The following CSMD1 variants were observed in gnomAD, a reference collection of about 807,000 sequenced individuals.
CSMD1 encodes the protein CUB and Sushi multiple domains 1.
Under a neutral mutation model 417.5 loss-of-function variants are expected in CSMD1, and 213 were observed. The ratio of observed to expected loss-of-function variants is 0.51; its 90% CI spans 0.46 to 0.57. The LOEUF (loss-of-function observed/expected upper bound fraction) is 0.57, where lower values mean the gene tolerates loss of function less well. Ranked by LOEUF, CSMD1 falls within the 20% of genes least tolerant of loss-of-function variation. CSMD1 has a pLI of 0.00. For missense variants in CSMD1, 6,923 were observed against 4,529.7 expected (o/e 1.53, Z -15.17); for synonymous variants, 2,862 against 1,736.8 (o/e 1.65, Z -16.11).
At chr8:4,585,423 G>A (rs960903488) in intron 2 of CSMD1, among the ~76,000 whole-genome samples, 1 of 152,136 alleles carries the variant, frequency 6.6e-6, no homozygotes, top group Non-Finnish European at 1.5e-5. Flanking sequence ...AAGAATGACT[G>A]TCACAAAACG....
At chr8:4,750,611 G>C (rs1253816163) in intron 1 of CSMD1, among the ~76,000 whole-genome samples, 1 of 152,058 alleles carries the variant, frequency 6.6e-6, no homozygotes, top group African/African-American at 2.4e-5. Context: ...CCAGCAATGA[G>C]ACTAAGAGAA....
chr8:3,384,759 T>TATATATTTATATAATA (rs1810879200), intron 18 of CSMD1, among the ~76,000 whole-genome samples: 3 of 119,764 alleles, frequency 2.5e-5, no homozygotes, highest in South Asian at 2.3e-4. Flanking sequence ...TTTATATAAA[T>TATATATTTATATAATA]TATATAAATA....
intron 26 of CSMD1, among the ~76,000 whole-genome samples, chr8:3,244,962 T>C (rs1190185740): frequency 6.6e-6 from 1 of 152,136 alleles, no homozygotes; most frequent in East Asian, 1.9e-4. Context: ...GAAGTTATTT[T>C]TTGGCTATTT....
intron 29 of CSMD1, 73 bp downstream of exon 29, chr8:3,219,182 A>G: frequency 1.6e-6 from 2 of 1,254,678 alleles, no homozygotes; most frequent in Middle Eastern, 2.6e-4. Context: ...GCAAGATGTT[A>G]CAAAGCAATG....
chr8:3,815,547 CT>C (rs1801322358), intron 5 of CSMD1, among the ~76,000 whole-genome samples: 1 of 151,526 alleles, frequency 6.6e-6, no homozygotes, highest in African/African-American at 2.4e-5. Context: ...AAAGAAAAAA[CT>C]GTGCTTTTGA....
At chr8:3,661,372 G>A (rs913992104) in intron 7 of CSMD1, among the ~76,000 whole-genome samples, 1 of 151,752 alleles carries the variant, frequency 6.6e-6, no homozygotes. Flanking sequence ...GCAGATTTCT[G>A]TATGTTACTT....
Position 2,954,233 on chromosome 8 carries a change from T to C in CSMD1, c.10030A>G (p.Lys3344Glu), listed in dbSNP as rs930403089. 1.3e-6 allele frequency: 2 copies of C among 1,503,274 alleles called. No individual in the cohort carries two copies. The highest frequency in any genetic ancestry group is 2.5e-5 in the South Asian group (2 of 80,362). 93.1% of individuals were successfully genotyped at this position (1,503,274 alleles called of 1,614,324 possible). The change falls in exon 65 of 70, where the codon AAA (lysine) becomes GAA (glutamate). Residue 3344 changes from lysine (K) to glutamate (E), a missense_variant. Lys to Glu is a moderately conservative substitution (Grantham distance 56, BLOSUM62 1). Coordinates refer to ENST00000635120, the MANE Select transcript of CSMD1 (RefSeq NM_033225.6). ...GVREVNETVT[K>E]TPVPSDVFFV... ...GTTCTGGTATACAAACCTGGAGTTT[T>C]AGTAACTGTTTCATTAACTTCTCTC...
chr8:4,152,378 T>A (rs2131059326), intron 3 of CSMD1, among the ~76,000 whole-genome samples: 1 of 152,286 alleles, frequency 6.6e-6, no homozygotes, highest in African/African-American at 2.4e-5. Context: ...GTACTAATGT[T>A]TTTAAAATCC....
At chr8:4,918,044 G>C (rs1316244560) in intron 1 of CSMD1, among the ~76,000 whole-genome samples, 1 of 152,134 alleles carries the variant, frequency 6.6e-6, no homozygotes, top group Non-Finnish European at 1.5e-5. Flanking sequence ...ACTAGACTTT[G>C]TGATGTTTAA....
chr8:3,516,996 G>A (rs1563113504), intron 10 of CSMD1, among the ~76,000 whole-genome samples: 2 of 152,170 alleles, frequency 1.3e-5, no homozygotes, highest in Admixed American at 1.3e-4. Context: ...CAGAAAACAG[G>A]GCACTGGTTA....
At position 4,348,956 on chromosome 8, in the gene CSMD1, C is replaced by G. The variant is rs373248194; in HGVS notation, c.415+70997G>C. Among the ~76,000 whole-genome samples, 10 of 152,138 alleles carry G rather than the reference C, an allele frequency of 6.6e-5. 1 individual carries two copies. Among genetic ancestry groups the G allele is most frequent in the African/African-American group, 7.2e-5 (3 of 41,428 alleles). The stretch of plus-strand genomic sequence containing the variant: ...TTAACCAGACAGTGCCCTCAGAATA[C>G]TCTTGAATTGCACCATATGCAAAAA... On this transcript the variant is annotated intron_variant, in intron 3 of 69. Coordinates refer to ENST00000635120, the MANE Select transcript of CSMD1 (RefSeq NM_033225.6).
At chr8:3,853,066 C>A (rs2975377) in intron 5 of CSMD1, among the ~76,000 whole-genome samples, 2,092 of 152,192 alleles carry the variant, frequency 0.014, 47 homozygotes, top group African/African-American at 0.048. Flanking sequence ...CAACCCACGT[C>A]ACTCCATCCA....
At chr8:3,006,144 C>T (rs894582061) in intron 52 of CSMD1, among the ~76,000 whole-genome samples, 1 of 150,982 alleles carries the variant, frequency 6.6e-6, no homozygotes, top group African/African-American at 2.4e-5. Flanking sequence ...AAACAGAGAG[C>T]CAAATCATGA....
intron 5 of CSMD1, among the ~76,000 whole-genome samples, chr8:3,861,133 A>G (rs189922725): frequency 2.6e-4 from 39 of 152,252 alleles, no homozygotes; most frequent in South Asian, 1.9e-3. Context: ...TCATATGCCA[A>G]AAACACACCT....
At chr8:4,152,654 C>T (rs1196126429) in intron 3 of CSMD1, among the ~76,000 whole-genome samples, 16 of 151,498 alleles carry the variant, frequency 1.1e-4, no homozygotes, top group East Asian at 5.8e-4. Context: ...TGTGCCAGCG[C>T]ACCGCAACCC....
At chr8:3,547,157 T>C (rs1449871687) in intron 10 of CSMD1, among the ~76,000 whole-genome samples, 1 of 152,180 alleles carries the variant, frequency 6.6e-6, no homozygotes, top group Non-Finnish European at 1.5e-5. Flanking sequence ...AGCTCTGGGC[T>C]TGGCAAAGAT....
chr8:4,158,597 T>A (rs892362517), intron 3 of CSMD1, among the ~76,000 whole-genome samples: 12 of 152,250 alleles, frequency 7.9e-5, no homozygotes, highest in African/African-American at 2.9e-4. Flanking sequence ...CCCTCCTTCT[T>A]ATTTTTCTGG....
At chr8:3,411,495 T>C (rs575168947) in intron 12 of CSMD1, among the ~76,000 whole-genome samples, 1 of 151,904 alleles carries the variant, frequency 6.6e-6, no homozygotes, top group African/African-American at 2.4e-5. Flanking sequence ...TTCTTATGCC[T>C]TTGCATCCTC....
intron 1 of CSMD1, among the ~76,000 whole-genome samples, chr8:4,815,717 A>C (rs1195679184): frequency 6.7e-6 from 1 of 148,286 alleles, no homozygotes; most frequent in African/African-American, 2.5e-5. Context: ...AAAAAAAAAA[A>C]AGAAGAGAAA....
Sources: allele counts gnomAD v4.1 joint callset (sites outside exome capture counted in the v4.1 genomes callset), GRCh38; gene constraint gnomAD v4.1.1; transcripts MANE v1.5; gene names NCBI Gene and HGNC (gene_info 2026-07-23, HGNC 2026-07-21).